Variants in TSHZ2 observed in about 807,000 individuals in gnomAD.
TSHZ2 encodes teashirt zinc finger homeobox 2.
A neutral mutation model predicts 74.4 loss-of-function variants in TSHZ2; 21 were observed. That is an observed-to-expected ratio of 0.28 (90% CI 0.20 to 0.41). The LOEUF is 0.41. Ranked by LOEUF, TSHZ2 falls within the 10% of genes least tolerant of loss-of-function variation. The probability of loss-of-function intolerance (pLI) is 1.00; values close to 1 mark genes in which losing one functional copy is unlikely to be tolerated. For synonymous variants in TSHZ2, 540 were observed against 515.3 expected (o/e 1.05, Z -0.65); for missense variants, 1,244 against 1,293.5 (o/e 0.96, Z 0.59).
At chr20:53,167,355 GA>G (rs1420744581) in intron 1 of TSHZ2, among the ~76,000 whole-genome samples, 3 of 152,208 alleles carry the variant, frequency 2.0e-5, no homozygotes, top group African/African-American at 7.2e-5. Flanking sequence ...ATATAAGGTA[GA>G]CATTATTTTC....
intron 2 of TSHZ2, among the ~76,000 whole-genome samples, chr20:53,483,220 G>GAGCACAGGAGTTCAAGACCA (rs6147377): frequency 6.6e-6 from 1 of 151,830 alleles, no homozygotes; most frequent in African/African-American, 2.4e-5. Context: ...AGAATGGCTT[G>GAGCACAGGAGTTCAAGACCA]GCCTGGGCAA....
At chr20:53,006,007 T>G (rs1982630491) in intron 1 of TSHZ2, among the ~76,000 whole-genome samples, 1 of 152,244 alleles carries the variant, frequency 6.6e-6, no homozygotes, top group African/African-American at 2.4e-5. Context: ...CTTCATTCTT[T>G]TCTTTTTTGT....
chr20:53,167,985 C>A (rs1325622309), intron 1 of TSHZ2, among the ~76,000 whole-genome samples: 1 of 152,174 alleles, frequency 6.6e-6, no homozygotes, highest in African/African-American at 2.4e-5. Context: ...CACAATCTGG[C>A]AGGGAGTGGC....
rs1380791215 is a variant in TSHZ2 at position 52,989,435 on chromosome 20, C to T, written c.40+16102C>T. Among the ~76,000 whole-genome samples the T allele has an allele frequency of 2.6e-5, 4 of 152,012 alleles. No individual in the cohort carries two copies. The South Asian group carries it at 6.2e-4, about 24-fold the overall frequency. On this transcript the variant is annotated intron_variant, in intron 1 of 2. Coordinates refer to ENST00000371497, the MANE Select transcript of TSHZ2 (RefSeq NM_173485.6). Reference sequence around the variant, plus strand: ...CAGTCAGATGGAATAGAAGAAAGAACTGTTAAAAAAATAAAATGAGCTTAT... The same window carrying T: ...CAGTCAGATGGAATAGAAGAAAGAATTGTTAAAAAAATAAAATGAGCTTAT...
At chr20:53,237,120 A>T (rs569253011) in intron 1 of TSHZ2, among the ~76,000 whole-genome samples, 1 of 152,316 alleles carries the variant, frequency 6.6e-6, no homozygotes, top group African/African-American at 2.4e-5. Context: ...CTGATCTAAA[A>T]CAACTCACAT....
intron 1 of TSHZ2, among the ~76,000 whole-genome samples, chr20:53,162,360 A>G (rs957081510): frequency 6.6e-6 from 1 of 152,102 alleles, no homozygotes; most frequent in Non-Finnish European, 1.5e-5. Context: ...CATTTGTGAG[A>G]ATTAGGAATG....
intron 2 of TSHZ2, among the ~76,000 whole-genome samples, chr20:53,289,585 G>A (rs372344153): frequency 1.4e-4 from 21 of 152,118 alleles, no homozygotes; most frequent in African/African-American, 2.4e-4. Flanking sequence ...GCATTTTTCC[G>A]TATGTTTGTT....
intron 1 of TSHZ2, among the ~76,000 whole-genome samples, chr20:53,107,598 G>T (rs1331878523): frequency 6.6e-6 from 1 of 152,160 alleles, no homozygotes; most frequent in African/African-American, 2.4e-5. Flanking sequence ...CTAGGACAAG[G>T]GTCCAGAGGT....
intron 1 of TSHZ2, among the ~76,000 whole-genome samples, chr20:52,983,254 T>C (rs896372148): frequency 8.5e-5 from 13 of 152,184 alleles, no homozygotes; most frequent in African/African-American, 2.2e-4. Flanking sequence ...GGGATAAGAA[T>C]TTTGCTCACC....
chr20:53,185,106 A>G (rs1001969400), intron 1 of TSHZ2, among the ~76,000 whole-genome samples: 2 of 152,170 alleles, frequency 1.3e-5, no homozygotes, highest in Non-Finnish European at 2.9e-5. Context: ...TGTTTTGTTT[A>G]TACATTTTTT....
chr20:53,001,244 G>GTGTGTA (rs1982427723), intron 1 of TSHZ2, among the ~76,000 whole-genome samples: 2 of 150,848 alleles, frequency 1.3e-5, no homozygotes, highest in Non-Finnish European at 3.0e-5. Flanking sequence ...GTGTGTGTGT[G>GTGTGTA]TGTGTGTGTG....
At chr20:53,391,680 C>T (rs900111010) in intron 2 of TSHZ2, among the ~76,000 whole-genome samples, 5 of 152,160 alleles carry the variant, frequency 3.3e-5, no homozygotes, top group Non-Finnish European at 7.3e-5. Context: ...CAGTGGCTCT[C>T]GCCTGTAATC....
intron 2 of TSHZ2, among the ~76,000 whole-genome samples, chr20:53,372,610 G>T (rs1255922030): frequency 2.6e-5 from 4 of 152,164 alleles, no homozygotes; most frequent in Non-Finnish European, 5.9e-5. Context: ...GCCTGTCTCT[G>T]TGACTCTAAC....
intron 1 of TSHZ2, among the ~76,000 whole-genome samples, chr20:52,996,399 G>T (rs150935357): frequency 6.6e-6 from 1 of 151,860 alleles, no homozygotes; most frequent in Non-Finnish European, 1.5e-5. Flanking sequence ...AGATGCTCAT[G>T]ATTTTAAAAA....
intron 1 of TSHZ2, among the ~76,000 whole-genome samples, chr20:53,077,091 T>G (rs1985388302): frequency 6.6e-6 from 1 of 152,122 alleles, no homozygotes; most frequent in Non-Finnish European, 1.5e-5. Context: ...CACAAGTCTA[T>G]GAGCTTAGCA....
At chr20:53,050,132 T>TACAC (rs1555819318) in intron 1 of TSHZ2, among the ~76,000 whole-genome samples, 1 of 94,518 alleles carries the variant, frequency 1.1e-5, no homozygotes, top group African/African-American at 3.9e-5. Flanking sequence ...TATACACATA[T>TACAC]ATATATGTGT....
At chr20:53,013,351 G>A (rs769844942) in intron 1 of TSHZ2, among the ~76,000 whole-genome samples, 3 of 151,878 alleles carry the variant, frequency 2.0e-5, no homozygotes, top group Non-Finnish European at 4.4e-5. Flanking sequence ...TTCTGAGCTC[G>A]AGCATTTTTT....
At chr20:53,219,090 T>A (rs1166176161) in intron 1 of TSHZ2, among the ~76,000 whole-genome samples, 1 of 152,240 alleles carries the variant, frequency 6.6e-6, no homozygotes, top group African/African-American at 2.4e-5. Context: ...AAGAAGCTTT[T>A]ACTGTGTCTC....
chr20:52,988,853 C>T (rs1334256370), intron 1 of TSHZ2, among the ~76,000 whole-genome samples: 5 of 152,144 alleles, frequency 3.3e-5, no homozygotes, highest in East Asian at 1.9e-4. Context: ...TTAAGTCAGA[C>T]GCTGCTCATC....
Sources: allele counts gnomAD v4.1 joint callset (sites outside exome capture counted in the v4.1 genomes callset), GRCh38; gene constraint gnomAD v4.1.1; transcripts MANE v1.5; gene names NCBI Gene and HGNC (gene_info 2026-07-23, HGNC 2026-07-21).